The following ABCC4 variants were observed in gnomAD, a reference collection of about 807,000 sequenced individuals.
The protein encoded by ABCC4 is ATP binding cassette subfamily C member 4 (PEL blood group).
A neutral mutation model predicts 168.5 loss-of-function variants in ABCC4; 102 were observed. The observed-to-expected ratio is 0.61, with a 90% confidence interval of 0.52 to 0.71. ABCC4 has a LOEUF of 0.71. ABCC4 is among the 30% of genes least tolerant of loss of function. The pLI is 0.00. For synonymous variants in ABCC4, 617 were observed against 590.7 expected (o/e 1.04, Z -0.65); for missense variants, 1,402 against 1,605.8 (o/e 0.87, Z 2.17).
intron 19 of ABCC4, among the ~76,000 whole-genome samples, chr13:95,152,546 G>A (rs1034537138): frequency 2.0e-5 from 3 of 152,138 alleles, no homozygotes; most frequent in Non-Finnish European, 4.4e-5. Context: ...TAAGACAAGG[G>A]TGGTAAATAC....
chr13:95,198,951 C>A (rs2038540510), intron 8 of ABCC4, among the ~76,000 whole-genome samples: 2 of 151,934 alleles, frequency 1.3e-5, no homozygotes, highest in Admixed American at 6.6e-5. Flanking sequence ...CACACCAGGG[C>A]CTGTCAGAGG....
rs1394530639 is a variant in ABCC4 at position 95,291,009 on chromosome 13, A to AAAG, written c.74+10231_74+10232insCTT. ...CAAGACCCTGTCTCAAAAAAAAAAAAAGAGGAAACCATGCCAAATGACTTT... is the reference window on the plus strand; with the variant it reads ...CAAGACCCTGTCTCAAAAAAAAAAAAAAGAGAGGAAACCATGCCAAATGACTTT... On this transcript the variant is annotated intron_variant, in intron 1 of 30. Coordinates refer to ENST00000645237, the MANE Select transcript of ABCC4 (RefSeq NM_005845.5). Among the ~76,000 whole-genome samples the AAAG allele has an allele frequency of 1.6e-5, 2 of 123,354 alleles. 1 individual carries two copies. Among genetic ancestry groups the AAAG allele is most frequent in the Non-Finnish European group, 3.5e-5 (2 of 57,852 alleles). The allele number at this position is 123,354 out of a possible 152,430, so 80.9% of individuals were successfully genotyped here. A position where few individuals can be genotyped will look rare whatever the true frequency, so the allele number is the denominator to read the frequency against.
In ABCC4 at chr13:95,301,374, G is replaced by T; in HGVS notation, c.-60C>A. On this transcript the variant is annotated 5_prime_UTR_variant, in exon 1 of 31. Coordinates refer to ENST00000645237, the MANE Select transcript of ABCC4 (RefSeq NM_005845.5). ...GCTGATCAGGCGGCGGTGGCCGCGG[G>T]CTCCGCTCCTGGACCTCAAGCAGGG... is the stretch of plus-strand genomic sequence containing the variant. The T allele has an allele frequency of 1.4e-6, 2 of 1,460,986 alleles. No homozygotes were observed. Among genetic ancestry groups the T allele is most frequent in the South Asian group, 2.5e-5 (2 of 79,276 alleles). The allele number at this position is 1,460,986 out of a possible 1,614,324, so 90.5% of individuals were successfully genotyped here.
At chr13:95,233,305 T>C (rs919421831) in intron 4 of ABCC4, among the ~76,000 whole-genome samples, 1 of 104,502 alleles carries the variant, frequency 9.6e-6, no homozygotes, top group African/African-American at 3.7e-5. Context: ...TTAAAGTACA[T>C]GGGAGTGCAC....
At chr13:95,159,761 C>T (rs548568253) in intron 19 of ABCC4, among the ~76,000 whole-genome samples, 10 of 152,282 alleles carry the variant, frequency 6.6e-5, no homozygotes, top group Non-Finnish European at 1.0e-4. Context: ...AATCCTTGCA[C>T]GTTGCACAGT....
At chr13:95,159,408 T>C (rs907398579) in intron 19 of ABCC4, among the ~76,000 whole-genome samples, 4 of 151,850 alleles carry the variant, frequency 2.6e-5, no homozygotes, top group Non-Finnish European at 5.9e-5. Flanking sequence ...TGCTAATAGA[T>C]ATAGGAGGAG....
rs566618544 is a variant in ABCC4 at position 95,062,716 on chromosome 13, T to G, written c.3354A>C (p.Ser1118=). ...IGLHDLRKKM[S]IIPQEPVLFT... Reference sequence around the variant, plus strand: ...ATGACTTGCATACCTGAGGTATGATTGACATCTTCTTCCTTAAATCGTGAA... The same window carrying G: ...ATGACTTGCATACCTGAGGTATGATGGACATCTTCTTCCTTAAATCGTGAA... The change falls in exon 26 of 31, where the codon TCA becomes TCC. Residue 1118 remains serine, a synonymous_variant. Coordinates refer to ENST00000645237, the MANE Select transcript of ABCC4 (RefSeq NM_005845.5). 1.2e-6 allele frequency: 2 copies of G among 1,613,846 alleles called. No homozygotes were observed. Among genetic ancestry groups the G allele is most frequent in the Admixed American group, 3.3e-5 (2 of 59,994 alleles).
rs2038877666 is a variant in ABCC4, at chr13:95,209,207, G to A, written c.785+227C>T. Among the ~76,000 whole-genome samples, 5 of 152,270 alleles carry A rather than the reference G, an allele frequency of 3.3e-5. No homozygotes were observed. In the South Asian group the frequency reaches 6.2e-4, roughly 19 times the overall value. ...ACACTCTACTTATTGAGGCCACAGC[G>A]CCTGAAAAGCTGGCTGGGAGGAGCC... On this transcript the variant is annotated intron_variant, in intron 6 of 30. Transcript: ENST00000645237.
chr13:95,047,627 A>AT (rs1181547295), intron 27 of ABCC4, among the ~76,000 whole-genome samples: 1 of 151,618 alleles, frequency 6.6e-6, no homozygotes, highest in African/African-American at 2.4e-5. Flanking sequence ...CTACAGGTGC[A>AT]TACCACCACA....
At chr13:95,246,356 G>A (rs556330950) in intron 3 of ABCC4, among the ~76,000 whole-genome samples, 2 of 152,294 alleles carry the variant, frequency 1.3e-5, no homozygotes, top group East Asian at 1.9e-4. Context: ...CCCAGCACCT[G>A]GGCCCACTGG....
chr13:95,191,264 C>G lies in ABCC4; in HGVS notation c.1264-2722G>C, dbSNP rs2038242890. Reference sequence around the variant, plus strand: ...TAATGGTCACATATCCGAATAATCACAAATATTTCTATAAATGGTCAAATG... The same window carrying G: ...TAATGGTCACATATCCGAATAATCAGAAATATTTCTATAAATGGTCAAATG... On this transcript the variant is annotated intron_variant, in intron 9 of 30. Transcript: ENST00000645237. Among the ~76,000 whole-genome samples, 3 of 152,272 alleles carry G rather than the reference C, an allele frequency of 2.0e-5. No homozygotes were observed. The South Asian group carries it at 6.2e-4, about 32-fold the overall frequency.
chr13:95,150,995 C>T (rs2036655408), intron 19 of ABCC4, among the ~76,000 whole-genome samples: 1 of 152,114 alleles, frequency 6.6e-6, no homozygotes, highest in Admixed American at 6.5e-5. Context: ...TTTGAAGTGC[C>T]AAAAGAACCA....
chr13:95,043,852 G>A (rs891632431), intron 28 of ABCC4, 65 bp from the exon 29 acceptor site: 1 of 1,102,298 alleles, frequency 9.1e-7, no homozygotes, highest in Middle Eastern at 2.1e-4. Context: ...GACTTAAAAA[G>A]CTCTACTTCA....
chr13:95,283,838 C>T (rs965713402), intron 1 of ABCC4, among the ~76,000 whole-genome samples: 1 of 146,006 alleles, frequency 6.8e-6, no homozygotes, highest in African/African-American at 2.6e-5. Context: ...GCAGAGGTTG[C>T]CGTGAGCCGA....
intron 1 of ABCC4, among the ~76,000 whole-genome samples, chr13:95,289,676 G>GAAA (rs1364881283): frequency 6.6e-6 from 1 of 152,172 alleles, no homozygotes; most frequent in African/African-American, 2.4e-5. Flanking sequence ...AGAGGAACCT[G>GAAA]AAAAAGGGGC....
At chr13:95,182,072 G>A (rs1260854921) in intron 11 of ABCC4, among the ~76,000 whole-genome samples, 1 of 152,140 alleles carries the variant, frequency 6.6e-6, no homozygotes, top group Non-Finnish European at 1.5e-5. Flanking sequence ...TTACAGGTTT[G>A]AGCCACCACG....
chr13:95,074,374 G>C (rs763576902), intron 22 of ABCC4, 50 bp from the exon 23 acceptor site: 2 of 1,456,586 alleles, frequency 1.4e-6, no homozygotes, highest in African/African-American at 2.8e-5. Flanking sequence ...ATGAATGTGC[G>C]AGTGTGTTTT....
chr13:95,064,046 C>T (rs2033400404), intron 25 of ABCC4, among the ~76,000 whole-genome samples: 1 of 152,022 alleles, frequency 6.6e-6, no homozygotes, highest in South Asian at 2.1e-4. Context: ...ATTTGAACAC[C>T]TCCATATCTG....
At chr13:95,060,242 C>T (rs956410478) in intron 26 of ABCC4, among the ~76,000 whole-genome samples, 2 of 152,198 alleles carry the variant, frequency 1.3e-5, no homozygotes, top group African/African-American at 4.8e-5. Flanking sequence ...TGTAAGCATG[C>T]TCCCTGGACT....
Sources: gnomAD v4.1 joint callset for allele counts (sites outside exome capture counted in the v4.1 genomes callset) on GRCh38, gnomAD v4.1.1 for gene constraint, MANE v1.5 for transcripts, NCBI Gene and HGNC (gene_info 2026-07-23, HGNC 2026-07-21) for gene names.